Variants in CYRIB observed in about 807,000 individuals in gnomAD.
CYRIB encodes the protein CYFIP related Rac1 interactor B.
In CYRIB, 8 loss-of-function variants were observed where a neutral mutation model predicts 44.2. That is an observed-to-expected ratio of 0.18 (90% confidence interval 0.11 to 0.33). The LOEUF is 0.33. Among genes scored for constraint, CYRIB ranks in the 10% least tolerant of loss-of-function variants. The pLI, the probability that CYRIB is intolerant of heterozygous loss-of-function variation, is 1.00. For missense variants in CYRIB, 185 were observed against 382.8 expected (o/e 0.48, Z 4.31); for synonymous variants, 131 against 127.2 (o/e 1.03, Z -0.20).
intron 4 of CYRIB, among the ~76,000 whole-genome samples, chr8:129,867,280 C>T (rs1050170771): frequency 2.7e-5 from 4 of 149,170 alleles, no homozygotes; most frequent in Non-Finnish European, 3.0e-5. Flanking sequence ...TGTGCCACCA[C>T]ACCTGGCTTT....
intron 5 of CYRIB, among the ~76,000 whole-genome samples, chr8:129,856,669 G>C (rs1364221919): frequency 6.6e-6 from 1 of 152,100 alleles, no homozygotes; most frequent in Non-Finnish European, 1.5e-5. Context: ...AAAAACCCCA[G>C]TTTTCCTATT....
At chr8:129,957,640 G>T (rs561351614) in intron 2 of CYRIB, among the ~76,000 whole-genome samples, 2 of 152,014 alleles carry the variant, frequency 1.3e-5, no homozygotes, top group Non-Finnish European at 2.9e-5. Context: ...AGACCAGCCT[G>T]GCCAACATGG....
At position 129,997,091 on chromosome 8, in the gene CYRIB, AGGG is replaced by A. The variant is rs1250284043; in HGVS notation, c.-296+19276_-296+19278del. On this transcript the variant is annotated intron_variant, in intron 1 of 14. Transcript: ENST00000401979. ...GAGGGAGGGAGGGAGGGAGGGAAGGAGGGAGGGAAGGAAGGAAGGAAGGAAGGA... is the reference window on the plus strand; with the variant it reads ...GAGGGAGGGAGGGAGGGAGGGAAGGAAGGGAAGGAAGGAAGGAAGGAAGGA... Among the ~76,000 whole-genome samples, 830 of 132,740 alleles carry A rather than the reference AGGG, an allele frequency of 6.3e-3. 11 individuals are homozygous for A. The highest frequency in any genetic ancestry group is 0.023 in the African/African-American group (773 of 34,144). 87.1% of individuals were successfully genotyped at this position (132,740 alleles called of 152,430 possible).
At chr8:130,006,607 C>CACATATATATGTGTATATAT (rs1359122569) in intron 1 of CYRIB, among the ~76,000 whole-genome samples, 9 of 7,112 alleles carry the variant, frequency 1.3e-3, no homozygotes, top group Admixed American at 2.6e-3. Flanking sequence ...TATATATATA[C>CACATATATATGTGTATATAT]ATATATATGT....
intron 8 of CYRIB, 85 bp from the exon 11 acceptor site, chr8:129,850,999 A>T (rs2042979613): frequency 1.1e-6 from 1 of 876,556 alleles, no homozygotes; most frequent in African/African-American, 1.7e-5. Context: ...GTAATATGAA[A>T]AATTAGCAAC....
intron 3 of CYRIB, among the ~76,000 whole-genome samples, chr8:129,873,030 TACC>T (rs774318346): frequency 1.9e-4 from 29 of 152,106 alleles, no homozygotes; most frequent in Admixed American, 6.5e-4. Context: ...GTCAAAAATA[TACC>T]ACATTTTTTT....
At chr8:129,993,676 G>A (rs1292336948) in intron 1 of CYRIB, among the ~76,000 whole-genome samples, 12 of 150,564 alleles carry the variant, frequency 8.0e-5, no homozygotes, top group Non-Finnish European at 1.2e-4. Context: ...CAGCTTGGGC[G>A]ACAGAGTGAA....
intron 1 of CYRIB, among the ~76,000 whole-genome samples, chr8:130,003,008 C>T (rs1385628025): frequency 6.6e-6 from 1 of 152,184 alleles, no homozygotes. Context: ...ATGGCACTTG[C>T]CAATCTATGT....
At chr8:129,879,507 C>T in intron 2 of CYRIB, 36 bp from the exon 5 acceptor site, 8 of 1,422,986 alleles carry the variant, frequency 5.6e-6, no homozygotes, top group Non-Finnish European at 7.7e-6. Context: ...GAAAATATCC[C>T]TTTATAAAAA....
chr8:129,976,122 C>T (rs2095904222), intron 1 of CYRIB, among the ~76,000 whole-genome samples: 1 of 152,072 alleles, frequency 6.6e-6, no homozygotes, highest in South Asian at 2.1e-4. Flanking sequence ...TTACTCCTTC[C>T]CCTCAGTGGA....
chr8:129,996,728 C>G (rs570485913), intron 1 of CYRIB, among the ~76,000 whole-genome samples: 41 of 152,254 alleles, frequency 2.7e-4, no homozygotes, highest in African/African-American at 9.6e-4. Context: ...CTCCCTCCCC[C>G]ACAGCCCGCA....
intron 3 of CYRIB, among the ~76,000 whole-genome samples, chr8:129,878,599 C>A (rs1204510006): frequency 1.3e-5 from 2 of 152,082 alleles, no homozygotes; most frequent in South Asian, 4.1e-4. Flanking sequence ...GCATCATTCA[C>A]ACTAAAACAC....
intron 1 of CYRIB, among the ~76,000 whole-genome samples, chr8:130,009,950 C>T (rs2097182496): frequency 6.6e-6 from 1 of 152,178 alleles, no homozygotes; most frequent in Non-Finnish European, 1.5e-5. Context: ...AGCGGCCAGA[C>T]AGAGCCAGTG....
At chr8:129,915,110 T>G (rs1027740757) in intron 1 of CYRIB, among the ~76,000 whole-genome samples, 3 of 152,188 alleles carry the variant, frequency 2.0e-5, no homozygotes, top group Non-Finnish European at 4.4e-5. Context: ...AATATACACC[T>G]TCAATATGAC....
chr8:129,933,897 AAGAAG>A (rs1250448728), intron 1 of CYRIB, among the ~76,000 whole-genome samples: 6 of 88,048 alleles, frequency 6.8e-5, no homozygotes, highest in African/African-American at 1.7e-4. Flanking sequence ...CAAAAAAAAA[AAGAAG>A]AAGAAGAAGA....
chr8:129,912,757 A>T (rs753471740), intron 1 of CYRIB, among the ~76,000 whole-genome samples: 4 of 151,820 alleles, frequency 2.6e-5, no homozygotes, highest in Non-Finnish European at 5.9e-5. Flanking sequence ...ATTCTATATG[A>T]TAATCAACAG....
intron 1 of CYRIB, among the ~76,000 whole-genome samples, chr8:129,928,225 G>T (rs2089167338): frequency 6.7e-6 from 1 of 150,372 alleles, no homozygotes; most frequent in Non-Finnish European, 1.5e-5. Flanking sequence ...TGTAGCATCA[G>T]TTATTAAGGA....
Position 129,871,301 on chromosome 8 carries a change from C to T in CYRIB, c.195+74G>A, listed in dbSNP as rs1450176577. 6.0e-6 allele frequency: 9 copies of T among 1,495,946 alleles called. No homozygotes were observed. In the East Asian group the frequency reaches 2.2e-4, roughly 36 times the overall value. The allele number at this position is 1,495,946 out of a possible 1,614,324, so 92.7% of individuals were successfully genotyped here. A position where few individuals can be genotyped will look rare whatever the true frequency, so the allele number is the denominator to read the frequency against. ...AATATGAAATATAGAATTCTGAAGT[C>T]TAGAAAACAAGAGATTACAAAGAGG... is the stretch of plus-strand genomic sequence containing the variant. On this transcript the variant is annotated intron_variant, in intron 4 of 11. Transcript: ENST00000519824.
At chr8:129,940,147 G>A (rs1272384162), upstream of CYRIB, among the ~76,000 whole-genome samples, 4 of 152,216 alleles carry the variant, frequency 2.6e-5, no homozygotes, top group African/African-American at 9.6e-5. Context: ...ATGGGAAACG[G>A]AGGTTCAGAG....
Sources: gnomAD v4.1 joint callset for allele counts (sites outside exome capture counted in the v4.1 genomes callset) on GRCh38, gnomAD v4.1.1 for gene constraint, MANE v1.5 for transcripts, NCBI Gene and HGNC (gene_info 2026-07-23, HGNC 2026-07-21) for gene names.